The following KHDRBS2 variants were observed in gnomAD, a reference collection of about 807,000 sequenced individuals.
KHDRBS2 encodes the protein KH RNA binding domain containing, signal transduction associated 2.
Under a neutral mutation model 44.3 loss-of-function variants are expected in KHDRBS2, and 26 were observed. The ratio of observed to expected loss-of-function variants is 0.59; its 90% CI spans 0.43 to 0.81. The LOEUF (loss-of-function observed/expected upper bound fraction) is 0.81, where lower values mean the gene tolerates loss of function less well. Ranked by LOEUF, KHDRBS2 falls within the 40% of genes least tolerant of loss-of-function variation. The pLI, the probability that KHDRBS2 is intolerant of heterozygous loss-of-function variation, is 0.00. For missense variants in KHDRBS2, 476 were observed against 433.1 expected (o/e 1.10, Z -0.88); for synonymous variants, 194 against 151.1 (o/e 1.28, Z -2.08).
chr6:62,029,176 A>G (rs1353227510), intron 3 of KHDRBS2, among the ~76,000 whole-genome samples: 1 of 152,028 alleles, frequency 6.6e-6, no homozygotes, highest in Non-Finnish European at 1.5e-5. Context: ...CATAATTTTT[A>G]ATAGCATATA....
intron 6 of KHDRBS2, among the ~76,000 whole-genome samples, chr6:61,799,905 TCATGTGTATG>T (rs1201749884): frequency 1.3e-5 from 2 of 152,080 alleles, no homozygotes; most frequent in African/African-American, 4.8e-5. Context: ...AGTAGTAAGT[TCATGTGTATG>T]CATGTGTATG....
intron 6 of KHDRBS2, among the ~76,000 whole-genome samples, chr6:61,829,944 C>A (rs1218348503): frequency 2.0e-5 from 3 of 152,116 alleles, no homozygotes; most frequent in Non-Finnish European, 4.4e-5. Context: ...CATCTTCCCC[C>A]ATATGCCTGC....
intron 6 of KHDRBS2, among the ~76,000 whole-genome samples, chr6:61,860,293 G>A (rs1016252967): frequency 6.6e-6 from 1 of 151,796 alleles, no homozygotes; most frequent in Non-Finnish European, 1.5e-5. Flanking sequence ...CATGGGGGTT[G>A]GTTGTACAGA....
chr6:61,971,105 T>G (rs1224249647), intron 4 of KHDRBS2, among the ~76,000 whole-genome samples: 6 of 152,138 alleles, frequency 3.9e-5, no homozygotes. Context: ...AAGTCCTATT[T>G]GTATCACATT....
At chr6:61,771,330 A>G (rs1333760728) in intron 6 of KHDRBS2, among the ~76,000 whole-genome samples, 3 of 152,178 alleles carry the variant, frequency 2.0e-5, no homozygotes, top group African/African-American at 7.2e-5. Flanking sequence ...AAATTCACAC[A>G]TAACAATATT....
At chr6:61,750,330 C>T (rs1302913091) in intron 6 of KHDRBS2, among the ~76,000 whole-genome samples, 1 of 152,100 alleles carries the variant, frequency 6.6e-6, no homozygotes, top group Admixed American at 6.6e-5. Flanking sequence ...TAATTGTGAT[C>T]GTGCTTATAC....
chr6:61,984,574 C>T (rs1980170), intron 3 of KHDRBS2, among the ~76,000 whole-genome samples: 29,804 of 152,010 alleles, frequency 0.2, 3,055 homozygotes, highest in Admixed American at 0.28. Context: ...AGGCTCTGGA[C>T]TTAGTCACTA....
chr6:62,056,772 C>T (rs1790380399), intron 2 of KHDRBS2, among the ~76,000 whole-genome samples: 1 of 151,868 alleles, frequency 6.6e-6, no homozygotes, highest in African/African-American at 2.4e-5. Context: ...ATGTCTCCAC[C>T]AGGAATGCTT....
intron 3 of KHDRBS2, among the ~76,000 whole-genome samples, chr6:62,034,655 A>G (rs1462468214): frequency 2.7e-5 from 4 of 148,812 alleles, no homozygotes; most frequent in South Asian, 4.4e-4. Context: ...AACATAATAT[A>G]AGCCATGACA....
At chr6:61,659,393 C>A in the KHDRBS2 span, among the ~76,000 whole-genome samples, 1 of 151,582 alleles carries the variant, frequency 6.6e-6, no homozygotes, top group Non-Finnish European at 1.5e-5. Flanking sequence ...CGAGTTAATG[C>A]CCCAAGCTTC....
At chr6:61,800,800 T>G (rs1786130638) in intron 6 of KHDRBS2, among the ~76,000 whole-genome samples, 1 of 152,162 alleles carries the variant, frequency 6.6e-6, no homozygotes, top group African/African-American at 2.4e-5. Flanking sequence ...TAGTTTCCTC[T>G]CTTTTTAGGA....
At chr6:61,649,624 C>G in the KHDRBS2 span, among the ~76,000 whole-genome samples, 1 of 152,118 alleles carries the variant, frequency 6.6e-6, no homozygotes, top group Non-Finnish European at 1.5e-5. Flanking sequence ...ATTTTTCTTT[C>G]TTAGTAAATA....
intron 2 of KHDRBS2, among the ~76,000 whole-genome samples, chr6:62,160,390 A>C (rs549871759): frequency 1.3e-5 from 2 of 152,234 alleles, no homozygotes; most frequent in Non-Finnish European, 2.9e-5. Flanking sequence ...GCTTTACATG[A>C]GGTAGGTCAT....
intron 6 of KHDRBS2, among the ~76,000 whole-genome samples, chr6:61,833,874 G>A (rs547493108): frequency 1.3e-5 from 2 of 151,924 alleles, no homozygotes; most frequent in African/African-American, 4.8e-5. Context: ...TTCTCTCTCT[G>A]TTTGCCTCTC....
At chr6:61,830,867 A>T (rs539818461) in intron 6 of KHDRBS2, among the ~76,000 whole-genome samples, 2 of 152,332 alleles carry the variant, frequency 1.3e-5, no homozygotes, top group South Asian at 4.1e-4. Flanking sequence ...TAATTTAGAC[A>T]TCTGTAACAT....
chr6:62,259,193 G>T (rs1424787896), intron 1 of KHDRBS2, among the ~76,000 whole-genome samples: 2 of 151,906 alleles, frequency 1.3e-5, no homozygotes, highest in Non-Finnish European at 2.9e-5. Context: ...AAGAAAACTG[G>T]AAATTACCAA....
At chr6:62,260,007 C>T (rs1838072141) in intron 1 of KHDRBS2, among the ~76,000 whole-genome samples, 2 of 151,922 alleles carry the variant, frequency 1.3e-5, no homozygotes, top group South Asian at 2.1e-4. Context: ...CGAGGATCTT[C>T]CACTGCTGTC....
intron 2 of KHDRBS2, among the ~76,000 whole-genome samples, chr6:62,158,732 T>A (rs1427294386): frequency 2.6e-5 from 4 of 152,156 alleles, no homozygotes; most frequent in Non-Finnish European, 4.4e-5. Flanking sequence ...ATCTTACTTC[T>A]CTGTTCCTCT....
chr6:62,195,987 G>A (rs1226547890), intron 1 of KHDRBS2, among the ~76,000 whole-genome samples: 3 of 152,126 alleles, frequency 2.0e-5, no homozygotes, highest in African/African-American at 7.2e-5. Context: ...TATTAAAACA[G>A]AAACAGAATA....
Sources: allele counts gnomAD v4.1 joint callset (sites outside exome capture counted in the v4.1 genomes callset), GRCh38; gene constraint gnomAD v4.1.1; transcripts MANE v1.5; gene names NCBI Gene and HGNC (gene_info 2026-07-23, HGNC 2026-07-21).